CTNNA3: variants seen among roughly 807,000 people sequenced by gnomAD.
CTNNA3 encodes catenin alpha-3.
Under a neutral mutation model 95.7 loss-of-function variants are expected in CTNNA3, and 76 were observed. The ratio of observed to expected loss-of-function variants is 0.79; its 90% CI spans 0.66 to 0.96. CTNNA3 has a LOEUF of 0.96. Among genes scored for constraint, CTNNA3 ranks in the 40% least tolerant of loss-of-function variants. CTNNA3 has a pLI of 0.00. For missense variants in CTNNA3, 1,191 were observed against 1,089.8 expected (o/e 1.09, Z -1.31); for synonymous variants, 431 against 374.4 (o/e 1.15, Z -1.74).
intron 7 of CTNNA3, among the ~76,000 whole-genome samples, chr10:67,072,794 G>C (rs1319953336): frequency 3.3e-5 from 5 of 152,156 alleles, no homozygotes; most frequent in African/African-American, 9.7e-5. Context: ...TTCAAAAAGA[G>C]TTCAATGGTA....
At chr10:66,103,935 G>A (rs905850152) in intron 13 of CTNNA3, among the ~76,000 whole-genome samples, 50 of 151,936 alleles carry the variant, frequency 3.3e-4, no homozygotes, top group African/African-American at 1.1e-3. Context: ...ATGATCACAG[G>A]GAAAATTTTA....
intron 13 of CTNNA3, among the ~76,000 whole-genome samples, chr10:66,227,597 C>T (rs1004226595): frequency 2.0e-5 from 3 of 151,906 alleles, no homozygotes; most frequent in Non-Finnish European, 2.9e-5. Context: ...AGGATATTTG[C>T]GTCTATGTTC....
chr10:66,902,380 A>G (rs1014943703), intron 7 of CTNNA3, among the ~76,000 whole-genome samples: 1 of 152,182 alleles, frequency 6.6e-6, no homozygotes, highest in Non-Finnish European at 1.5e-5. Flanking sequence ...TATTTAAAGC[A>G]GTATGTAGAT....
intron 11 of CTNNA3, among the ~76,000 whole-genome samples, chr10:66,458,556 C>T (rs558391485): frequency 9.9e-5 from 15 of 152,210 alleles, no homozygotes; most frequent in African/African-American, 3.6e-4. Context: ...TAAACTAAAA[C>T]TCTGTACCCA....
chr10:65,993,215 C>T (rs1386824342), intron 15 of CTNNA3, among the ~76,000 whole-genome samples: 4 of 152,214 alleles, frequency 2.6e-5, no homozygotes, highest in African/African-American at 4.8e-5. Context: ...GTATATTCTA[C>T]AACTGTTCAA....
At chr10:67,303,647 A>G (rs2132505208) in intron 5 of CTNNA3, among the ~76,000 whole-genome samples, 1 of 152,394 alleles carries the variant, frequency 6.6e-6, no homozygotes, top group East Asian at 1.9e-4. Context: ...CTAGATTCCA[A>G]TAAGAAAGTT....
At chr10:66,482,689 A>G (rs1488437240) in intron 11 of CTNNA3, among the ~76,000 whole-genome samples, 1 of 152,112 alleles carries the variant, frequency 6.6e-6, no homozygotes, top group Non-Finnish European at 1.5e-5. Flanking sequence ...AGGAAAATGG[A>G]CATCACAGTA....
At chr10:67,468,544 G>C (rs887247453) in intron 5 of CTNNA3, among the ~76,000 whole-genome samples, 1 of 152,154 alleles carries the variant, frequency 6.6e-6, no homozygotes, top group Non-Finnish European at 1.5e-5. Flanking sequence ...CCAGGGTACA[G>C]AGATGTAGCT....
At chr10:67,482,919 T>A (rs970878082) in intron 5 of CTNNA3, among the ~76,000 whole-genome samples, 2 of 152,040 alleles carry the variant, frequency 1.3e-5, no homozygotes, top group Non-Finnish European at 2.9e-5. Context: ...TTGAGATACG[T>A]CCCATCAATA....
intron 7 of CTNNA3, among the ~76,000 whole-genome samples, chr10:67,172,404 G>A (rs183809902): frequency 1.4e-4 from 21 of 152,256 alleles, no homozygotes; most frequent in African/African-American, 4.6e-4. Context: ...AACACCAATA[G>A]CATTTTAATT....
chr10:66,872,222 T>C (rs1365667201), intron 7 of CTNNA3, among the ~76,000 whole-genome samples: 1 of 152,236 alleles, frequency 6.6e-6, no homozygotes, highest in African/African-American at 2.4e-5. Context: ...TCTTATTTTA[T>C]CCATGCTGCA....
intron 7 of CTNNA3, among the ~76,000 whole-genome samples, chr10:67,015,694 T>C (rs893850364): frequency 6.6e-6 from 1 of 152,126 alleles, no homozygotes; most frequent in African/African-American, 2.4e-5. Flanking sequence ...AAGATTCAAA[T>C]CTTTGTAACA....
At chr10:66,645,937 C>T (rs1211229025) in intron 9 of CTNNA3, among the ~76,000 whole-genome samples, 1 of 152,182 alleles carries the variant, frequency 6.6e-6, no homozygotes, top group Non-Finnish European at 1.5e-5. Flanking sequence ...CTGGCAATGT[C>T]ACACCACTTT....
intron 10 of CTNNA3, among the ~76,000 whole-genome samples, chr10:66,580,994 C>T (rs1843166969): frequency 6.6e-6 from 1 of 151,750 alleles, no homozygotes; most frequent in African/African-American, 2.4e-5. Flanking sequence ...AGAGAACCTT[C>T]AGTATCTCGT....
intron 12 of CTNNA3, among the ~76,000 whole-genome samples, chr10:66,314,994 C>T (rs1305104298): frequency 6.6e-6 from 1 of 152,026 alleles, no homozygotes; most frequent in African/African-American, 2.4e-5. Flanking sequence ...TACTTTTTCA[C>T]TTTTTCATGG....
At chr10:67,510,034 G>A (rs1839561920) in intron 5 of CTNNA3, among the ~76,000 whole-genome samples, 1 of 152,068 alleles carries the variant, frequency 6.6e-6, no homozygotes, top group African/African-American at 2.4e-5. Flanking sequence ...CTTTTTCATG[G>A]GGTTGCTTTT....
intron 7 of CTNNA3, chr10:67,097,529 T>G (rs1320201566): frequency 6.8e-7 from 1 of 1,479,700 alleles, no homozygotes; most frequent in East Asian, 2.3e-5. Flanking sequence ...CTCTAAATCT[T>G]TCCCCTAAAG....
chr10:67,290,768 AC>A (rs1472277039), intron 5 of CTNNA3, among the ~76,000 whole-genome samples: 1 of 152,212 alleles, frequency 6.6e-6, no homozygotes, highest in Non-Finnish European at 1.5e-5. Context: ...CAAATTGTTA[AC>A]AAATATGTAG....
intron 5 of CTNNA3, among the ~76,000 whole-genome samples, chr10:67,321,428 TAAAC>T (rs1185564229): frequency 6.6e-6 from 1 of 152,136 alleles, no homozygotes; most frequent in Non-Finnish European, 1.5e-5. Flanking sequence ...ACTTATGACT[TAAAC>T]AGCCCGTATC....
Sources: allele counts gnomAD v4.1 joint callset (sites outside exome capture counted in the v4.1 genomes callset), GRCh38; gene constraint gnomAD v4.1.1; transcripts MANE v1.5; gene names NCBI Gene and HGNC (gene_info 2026-07-23, HGNC 2026-07-21).